TMIGD3: variants seen among roughly 807,000 people sequenced by gnomAD.
TMIGD3 encodes AD026 protein (AD026).
In TMIGD3, 21 loss-of-function variants were observed where a neutral mutation model predicts 28.1. The observed-to-expected ratio is 0.75, with a 90% confidence interval of 0.53 to 1.08. The LOEUF (loss-of-function observed/expected upper bound fraction) is 1.08, where lower values mean the gene tolerates loss of function less well. TMIGD3 is among the 50% of genes least tolerant of loss of function. TMIGD3 has a pLI of 0.00. For synonymous variants in TMIGD3, 151 were observed against 162.1 expected (o/e 0.93, Z 0.52); for missense variants, 416 against 435.6 (o/e 0.96, Z 0.40).
chr1:111,529,989 G>A (rs1395457895), intron 1 of TMIGD3, among the ~76,000 whole-genome samples: 37 of 104,088 alleles, frequency 3.6e-4, no homozygotes, highest in African/African-American at 1.4e-3. Flanking sequence ...GCGGCTGGCC[G>A]GGCGGGGCGC....
At chr1:111,526,790 A>G (rs1656278647) in intron 1 of TMIGD3, among the ~76,000 whole-genome samples, 1 of 152,170 alleles carries the variant, frequency 6.6e-6, no homozygotes, top group African/African-American at 2.4e-5. Flanking sequence ...ATCATACTGA[A>G]TAGTTTCACT....
chr1:111,560,752 A>G (rs2786976), intron 1 of TMIGD3, among the ~76,000 whole-genome samples: 2,761 of 152,260 alleles, frequency 0.018, 76 homozygotes, highest in African/African-American at 0.061. Context: ...GCAGCCTCCA[A>G]AAGTGCTGGG....
chr1:111,494,102 A>C (rs1654783059), intron 1 of TMIGD3, among the ~76,000 whole-genome samples: 1 of 152,240 alleles, frequency 6.6e-6, no homozygotes, highest in African/African-American at 2.4e-5. Context: ...TAATCAATAA[A>C]TAGTAAGCCA....
chr1:111,512,951 C>G (rs12142663), intron 1 of TMIGD3, among the ~76,000 whole-genome samples: 39,234 of 152,046 alleles, frequency 0.26, 6,141 homozygotes, highest in Admixed American at 0.4. Context: ...GAGGCAGTAC[C>G]ATTTTCCTCT....
Position 111,503,174 on chromosome 1 carries a change from C to T in TMIGD3, c.181G>A (p.Val61Ile), listed in dbSNP as rs1422158770. 2.5e-6 allele frequency: 4 copies of T among 1,614,260 alleles called. No homozygotes were observed. Among genetic ancestry groups the T allele is most frequent in the Middle Eastern group, 1.6e-4 (1 of 6,062 alleles). ...IVSLALADIA[V>I]GVLVMPLAIV... Reference sequence around the variant, plus strand: ...GCCAAAGGCATGACCAGCACCCCAACAGCAATGTCAGCCAGGGCTAGAGAG... The same window carrying T: ...GCCAAAGGCATGACCAGCACCCCAATAGCAATGTCAGCCAGGGCTAGAGAG... Residue 61 changes from valine (V) to isoleucine (I), a missense_variant, in exon 1 of 6, where the codon GTT (valine) becomes ATT (isoleucine). Val to Ile is a conservative substitution (Grantham distance 29, BLOSUM62 3). Transcript: ENST00000369716.
chr1:111,537,624 C>T (rs761209595), intron 1 of TMIGD3, among the ~76,000 whole-genome samples: 42 of 152,170 alleles, frequency 2.8e-4, no homozygotes, highest in Non-Finnish European at 5.0e-4. Context: ...CCAGAGATTT[C>T]GTTTTTAAAG....
intron 1 of TMIGD3, among the ~76,000 whole-genome samples, chr1:111,543,303 A>G (rs1024048794): frequency 6.6e-6 from 1 of 152,082 alleles, no homozygotes; most frequent in African/African-American, 2.4e-5. Context: ...TCACCTTAAA[A>G]TCAGAGAAGA....
At chr1:111,539,391 G>A (rs1385849802) in intron 1 of TMIGD3, among the ~76,000 whole-genome samples, 5 of 152,122 alleles carry the variant, frequency 3.3e-5, no homozygotes, top group African/African-American at 4.8e-5. Context: ...TCCATCTCCC[G>A]AGTTCAAGCG....
intron 1 of TMIGD3, among the ~76,000 whole-genome samples, chr1:111,559,019 C>T (rs1657627183): frequency 6.6e-6 from 1 of 152,078 alleles, no homozygotes; most frequent in African/African-American, 2.4e-5. Flanking sequence ...AGACCAAGTT[C>T]TCTGAACATA....
chr1:111,490,474 C>G (rs1571401436), intron 2 of TMIGD3, 182 bp downstream of exon 2: 1 of 580,784 alleles, frequency 1.7e-6, no homozygotes, highest in East Asian at 2.8e-5. Flanking sequence ...ACTCTCTTAT[C>G]TGAGCTAAGA....
Position 111,542,996 on chromosome 1 carries a change from C to T in TMIGD3, c.107+20850G>A, listed in dbSNP as rs554993732. ...ACAAGCGTGAGTGAGCCATGGCGCC[C>T]GGCCATGTATTTGTTTTATAACCAT... On this transcript the variant is annotated intron_variant, in intron 1 of 5. Coordinates refer to the TMIGD3 transcript ENST00000369717. Among the ~76,000 whole-genome samples, 157 of 152,212 alleles carry T rather than the reference C, an allele frequency of 1.0e-3. 1 individual carries two copies. Among genetic ancestry groups the T allele is most frequent in the Non-Finnish European group, 1.1e-3 (74 of 68,028 alleles).
At chr1:111,551,898 A>T (rs564133927) in intron 1 of TMIGD3, among the ~76,000 whole-genome samples, 2 of 152,266 alleles carry the variant, frequency 1.3e-5, no homozygotes, top group African/African-American at 4.8e-5. Context: ...TAGAGGGGAG[A>T]AATCAGGACT....
At chr1:111,539,587 T>G (rs1656750399) in intron 1 of TMIGD3, among the ~76,000 whole-genome samples, 1 of 152,152 alleles carries the variant, frequency 6.6e-6, no homozygotes, top group Non-Finnish European at 1.5e-5. Context: ...TGAGCCACTG[T>G]GCCTGGCCTA....
At chr1:111,552,749 G>C (rs564131304) in intron 1 of TMIGD3, among the ~76,000 whole-genome samples, 2 of 152,204 alleles carry the variant, frequency 1.3e-5, no homozygotes, top group South Asian at 4.1e-4. Flanking sequence ...CTTCCTACAT[G>C]CATGACCTGG....
intron 1 of TMIGD3, among the ~76,000 whole-genome samples, chr1:111,553,937 A>G (rs559694045): frequency 1.3e-5 from 2 of 152,340 alleles, no homozygotes; most frequent in African/African-American, 4.8e-5. Flanking sequence ...GTTATTTTCT[A>G]GTGGTTCCAT....
chr1:111,563,727 A>G, intron 1 of TMIGD3: 3 of 726,240 alleles, frequency 4.1e-6, no homozygotes, highest in Non-Finnish European at 7.3e-6. Context: ...ACACGCTAGG[A>G]CAAAGCATTG....
chr1:111,536,383 G>A (rs138601982), intron 1 of TMIGD3, among the ~76,000 whole-genome samples: 33 of 152,262 alleles, frequency 2.2e-4, no homozygotes, highest in Admixed American at 1.1e-3. Context: ...AGCCCTAGCA[G>A]CACTGTGGGA....
chr1:111,516,153 T>G (rs1396290050), intron 1 of TMIGD3, among the ~76,000 whole-genome samples: 2 of 152,188 alleles, frequency 1.3e-5, no homozygotes, highest in Non-Finnish European at 2.9e-5. Flanking sequence ...GGCCCTCACC[T>G]CCCAGGGCCT....
chr1:111,520,409 A>C (rs1483422768), intron 1 of TMIGD3, among the ~76,000 whole-genome samples: 1 of 152,224 alleles, frequency 6.6e-6, no homozygotes, highest in Non-Finnish European at 1.5e-5. Context: ...CAACAAGATA[A>C]TAAGATGATG....
Sources: allele counts gnomAD v4.1 joint callset (sites outside exome capture counted in the v4.1 genomes callset), GRCh38; gene constraint gnomAD v4.1.1; transcripts MANE v1.5; gene names NCBI Gene and HGNC (gene_info 2026-07-23, HGNC 2026-07-21).